Variants in CADM1 observed in about 807,000 individuals in gnomAD.
CADM1 encodes TSLC-1.
A neutral mutation model predicts 53.1 loss-of-function variants in CADM1; 15 were observed. The ratio of observed to expected loss-of-function variants is 0.28; its 90% confidence interval spans 0.19 to 0.44. The LOEUF (loss-of-function observed/expected upper bound fraction) is 0.44, where lower values mean the gene tolerates loss of function less well. Ranked by LOEUF, CADM1 falls within the 20% of genes least tolerant of loss-of-function variation. The pLI is 1.00. For missense variants in CADM1, 434 were observed against 611.3 expected (o/e 0.71, Z 3.06); for synonymous variants, 281 against 243.0 (o/e 1.16, Z -1.45).
chr11:115,481,846 G>T (rs1451365683), intron 1 of CADM1, among the ~76,000 whole-genome samples: 4 of 152,108 alleles, frequency 2.6e-5, no homozygotes, highest in Non-Finnish European at 5.9e-5. Context: ...CAAAATTTCA[G>T]CTGGCCTTCC....
At chr11:115,274,762 T>C (rs527681590) in intron 1 of CADM1, among the ~76,000 whole-genome samples, 18 of 152,308 alleles carry the variant, frequency 1.2e-4, no homozygotes, top group Admixed American at 4.6e-4. Flanking sequence ...TAGATATCTA[T>C]AAATACCGGT....
chr11:115,340,647 TATATATA>T (rs1301046580), intron 1 of CADM1, among the ~76,000 whole-genome samples: 22 of 41,372 alleles, frequency 5.3e-4, no homozygotes, highest in South Asian at 9.1e-4. Context: ...TATATATATA[TATATATA>T]TATATTTTTT....
At chr11:115,443,819 G>T (rs545474081) in intron 1 of CADM1, among the ~76,000 whole-genome samples, 49 of 152,252 alleles carry the variant, frequency 3.2e-4, no homozygotes, top group African/African-American at 1.1e-3. Context: ...AAATTACTGG[G>T]GAACATGAAG....
intron 1 of CADM1, among the ~76,000 whole-genome samples, chr11:115,430,690 G>A (rs1301157536): frequency 6.6e-6 from 1 of 152,130 alleles, no homozygotes; most frequent in South Asian, 2.1e-4. Context: ...TTTTTCAATG[G>A]AAAGCAGAGA....
At chr11:115,488,178 T>C (rs887554559) in intron 1 of CADM1, among the ~76,000 whole-genome samples, 2 of 151,966 alleles carry the variant, frequency 1.3e-5, no homozygotes, top group Non-Finnish European at 2.9e-5. Flanking sequence ...CCTAAGACAA[T>C]ATAGAGCTAT....
chr11:115,180,414 T>C (rs1362656168), intron 10 of CADM1, among the ~76,000 whole-genome samples: 1 of 152,112 alleles, frequency 6.6e-6, no homozygotes, highest in Non-Finnish European at 1.5e-5. Flanking sequence ...GGGAGTTTAA[T>C]TGGAGAAGGG....
chr11:115,180,736 T>A (rs1939270556), intron 10 of CADM1, among the ~76,000 whole-genome samples: 1 of 151,918 alleles, frequency 6.6e-6, no homozygotes, highest in African/African-American at 2.4e-5. Context: ...CTTGACACAC[T>A]GGAGATGTTC....
intron 1 of CADM1, among the ~76,000 whole-genome samples, chr11:115,259,553 G>A (rs961316810): frequency 2.0e-5 from 3 of 151,886 alleles, no homozygotes; most frequent in Admixed American, 6.5e-5. Context: ...TGATCCACCC[G>A]CCTCGGCCTC....
At chr11:115,495,453 A>G (rs1371841625) in intron 1 of CADM1, among the ~76,000 whole-genome samples, 1 of 152,196 alleles carries the variant, frequency 6.6e-6, no homozygotes, top group Non-Finnish European at 1.5e-5. Flanking sequence ...TCAGGCAAGC[A>G]AAAAAGGAAG....
At chr11:115,462,444 A>C (rs1009584597) in intron 1 of CADM1, among the ~76,000 whole-genome samples, 23 of 152,128 alleles carry the variant, frequency 1.5e-4, no homozygotes, top group African/African-American at 5.6e-4. Flanking sequence ...CTTTGGCTGA[A>C]TCACCCAATC....
intron 5 of CADM1, among the ~76,000 whole-genome samples, chr11:115,223,768 C>G (rs1414933776): frequency 1.3e-5 from 2 of 152,034 alleles, no homozygotes; most frequent in South Asian, 4.1e-4. Context: ...ATATCAGGAA[C>G]TTGGAACCAA....
At chr11:115,363,371 A>G (rs1946079758) in intron 1 of CADM1, among the ~76,000 whole-genome samples, 1 of 152,182 alleles carries the variant, frequency 6.6e-6, no homozygotes, top group South Asian at 2.1e-4. Context: ...AAGGTTGATT[A>G]GGGGTGCTCC....
At chr11:115,448,489 G>T (rs1288560388) in intron 1 of CADM1, among the ~76,000 whole-genome samples, 1 of 151,952 alleles carries the variant, frequency 6.6e-6, no homozygotes, top group African/African-American at 2.4e-5. Flanking sequence ...TCTTGCCAAG[G>T]ATATTCCCAA....
chr11:115,338,651 T>G (rs1275498051), intron 1 of CADM1, among the ~76,000 whole-genome samples: 1 of 152,154 alleles, frequency 6.6e-6, no homozygotes, highest in Non-Finnish European at 1.5e-5. Context: ...TCCGCCTGCA[T>G]AACTGGTTAT....
intron 1 of CADM1, among the ~76,000 whole-genome samples, chr11:115,428,325 C>A (rs1244059723): frequency 6.6e-6 from 1 of 152,046 alleles, no homozygotes; most frequent in African/African-American, 2.4e-5. Flanking sequence ...GGCAATACAT[C>A]CACTAAATGG....
intron 1 of CADM1, among the ~76,000 whole-genome samples, chr11:115,441,806 G>A (rs12289826): frequency 0.022 from 3,310 of 152,016 alleles, 118 homozygotes; most frequent in African/African-American, 0.075. Context: ...CTGATCTTAA[G>A]TTCAATGGTC....
intron 1 of CADM1, among the ~76,000 whole-genome samples, chr11:115,404,344 A>G (rs866373705): frequency 2.6e-5 from 1 of 38,206 alleles, no homozygotes; most frequent in Non-Finnish European, 5.9e-5. Flanking sequence ...AAAAAAAAAA[A>G]AAATATATAT....
chr11:115,214,884 A>G (rs1941112595), intron 6 of CADM1, 104 bp from the exon 7 acceptor site: 1 of 1,140,098 alleles, frequency 8.8e-7, no homozygotes, highest in Middle Eastern at 2.8e-4. Context: ...CCTACTGGAG[A>G]TATTTTAAGT....
chr11:115,381,045 A>T (rs928074395), intron 1 of CADM1, among the ~76,000 whole-genome samples: 1 of 152,118 alleles, frequency 6.6e-6, no homozygotes, highest in African/African-American at 2.4e-5. Flanking sequence ...TCATGCCTGA[A>T]TCCCACTTCG....
Sources: gnomAD v4.1 joint callset for allele counts (sites outside exome capture counted in the v4.1 genomes callset) on GRCh38, gnomAD v4.1.1 for gene constraint, MANE v1.5 for transcripts, NCBI Gene and HGNC (gene_info 2026-07-23, HGNC 2026-07-21) for gene names.